ASH1L: variants seen among roughly 807,000 people sequenced by gnomAD.
The protein encoded by ASH1L is histone-lysine N-methyltransferase ASH1L.
Under a neutral mutation model 269.0 loss-of-function variants are expected in ASH1L, and 23 were observed. The observed-to-expected ratio is 0.09, with a 90% CI of 0.06 to 0.12. The LOEUF is 0.12. Ranked by LOEUF, ASH1L falls within the 10% of genes least tolerant of loss-of-function variation. The probability of loss-of-function intolerance (pLI) is 1.00; values close to 1 mark genes in which losing one functional copy is unlikely to be tolerated. For missense variants in ASH1L, 2,912 were observed against 3,567.8 expected, an observed-to-expected ratio of 0.82 and a Z score of 4.68; for synonymous variants, 1,187 against 1,253.5, an observed-to-expected ratio of 0.95 and a Z score of 1.12.
intron 4 of ASH1L, among the ~76,000 whole-genome samples, chr1:155,455,043 T>A (rs1009450340): frequency 6.6e-6 from 1 of 152,124 alleles, no homozygotes; most frequent in African/African-American, 2.4e-5. Flanking sequence ...ATTGAAGGGA[T>A]TTATGTTCTC....
rs1654202536 is a variant in ASH1L, at chr1:155,354,560, C to T, written c.7126G>A (p.Val2376Ile). ...WEKIRQKQEE[V>I]KHTSDNIHSA... ...TGAATATTATCACTGGTGTGCTTTACTTCCTCCTGTTTTTGACGAATCTTC... is the reference window on the plus strand; with the variant it reads ...TGAATATTATCACTGGTGTGCTTTATTTCCTCCTGTTTTTGACGAATCTTC... Residue 2376 changes from valine to isoleucine, a missense_variant, in exon 16 of 28, where the codon GTA (valine) becomes ATA (isoleucine). By Grantham distance (29) the Val-to-Ile change is conservative. Around this residue, in one of 13 missense-constraint regions of ASH1L, gnomAD observed 309 missense variants for 435.1 expected, o/e 0.71. Coordinates refer to ENST00000392403, the MANE Select transcript of ASH1L (RefSeq NM_018489.3). 1.9e-6 allele frequency: 3 copies of T among 1,614,018 alleles called. No homozygotes were observed. The East Asian group carries it at 6.7e-5, about 36-fold the overall frequency.
chr1:155,544,891 G>C (rs1396553309), intron 1 of ASH1L, among the ~76,000 whole-genome samples: 1 of 151,684 alleles, frequency 6.6e-6, no homozygotes, highest in Non-Finnish European at 1.5e-5. Context: ...ACAAACTATT[G>C]GCCGGGCGCA....
chr1:155,458,717 AAACC>A (rs373281175), intron 4 of ASH1L, among the ~76,000 whole-genome samples: 2,014 of 150,738 alleles, frequency 0.013, 25 homozygotes, highest in African/African-American at 0.031. Flanking sequence ...ACTCATCTCA[AAACC>A]AACCAACCAA....
At chr1:155,386,831 G>A (rs1056616184) in intron 7 of ASH1L, among the ~76,000 whole-genome samples, 1 of 152,054 alleles carries the variant, frequency 6.6e-6, no homozygotes. Flanking sequence ...AGTTTATTTT[G>A]CTGCGCAGAA....
At chr1:155,433,252 G>A (rs1162990449) in intron 5 of ASH1L, 14 of 1,553,188 alleles carry the variant, frequency 9.0e-6, no homozygotes, top group Admixed American at 1.9e-5. Context: ...GGCCAGGGGG[G>A]CCGGAGCCGG....
intron 2 of ASH1L, among the ~76,000 whole-genome samples, chr1:155,514,902 A>G (rs755161211): frequency 1.3e-5 from 2 of 152,138 alleles, no homozygotes; most frequent in Non-Finnish European, 2.9e-5. Flanking sequence ...CACACCAACA[A>G]GGAAAAATTT....
intron 15 of ASH1L, among the ~76,000 whole-genome samples, chr1:155,355,002 G>A (rs1290897485): frequency 6.6e-6 from 1 of 152,162 alleles, no homozygotes; most frequent in East Asian, 1.9e-4. Context: ...CACGTAAGAT[G>A]GATACGCACT....
chr1:155,556,082 C>A (rs924629114), intron 1 of ASH1L, among the ~76,000 whole-genome samples: 2 of 152,068 alleles, frequency 1.3e-5, no homozygotes, highest in Non-Finnish European at 2.9e-5. Flanking sequence ...TTGCAATTTG[C>A]CACATTAAAG....
At chr1:155,427,720 C>T (rs973203939) in intron 5 of ASH1L, among the ~76,000 whole-genome samples, 1 of 151,948 alleles carries the variant, frequency 6.6e-6, no homozygotes, top group Admixed American at 6.6e-5. Context: ...ATTACAGGCA[C>T]AAGCCACTGC....
At chr1:155,387,771 C>A (rs1316520445) in intron 7 of ASH1L, among the ~76,000 whole-genome samples, 2 of 152,138 alleles carry the variant, frequency 1.3e-5, no homozygotes, top group African/African-American at 4.8e-5. Flanking sequence ...AATCCATAAG[C>A]ATGGAATATT....
Position 155,337,668 on chromosome 1 carries a change from G to A in ASH1L, c.8887C>T (p.Arg2963Ter), listed in dbSNP as rs143633976. The A allele has an allele frequency of 3.0e-4, 479 of 1,613,400 alleles. No homozygotes were observed. Among genetic ancestry groups the A allele is most frequent in the Non-Finnish European group, 3.9e-4 (464 of 1,179,570 alleles). ...RTLFIPENSF[R>*]K is the part of the protein sequence containing the mutation. ...TTCTCATTCTTTGAGGGTCACTTTC[G>A]AAAGCTGTTTTCTGGGATAAACAAA... The change falls in exon 28 of 28, where the codon CGA becomes TGA. Residue 2963 changes from arginine (R) to a stop codon, truncating the protein, a stop_gained. Transcript: ENST00000392403. LOFTEE classifies it high-confidence loss of function.
Position 155,479,946 on chromosome 1 carries a change from T to G in ASH1L, c.2924A>C (p.Asn975Thr). The change falls in exon 3 of 28, where the codon AAT becomes ACT. Residue 975 changes from asparagine to threonine, a missense_variant. Asn to Thr is a moderately conservative substitution (Grantham distance 65). Transcript: ENST00000392403. Reference protein sequence around the residue: ...EPDKKITKRNNGQLMKTIIRK... With the variant: ...EPDKKITKRNTGQLMKTIIRK... ...GATAATTGTTTTCATTAATTGTCCA[T>G]TGTTTCTCTTGGTAATTTTTTTATC... The G allele has an allele frequency of 1.2e-6, 2 of 1,613,656 alleles. No individual in the cohort carries two copies. The highest frequency in any genetic ancestry group is 1.7e-6 in the Non-Finnish European group (2 of 1,179,906).
At chr1:155,425,730 G>T (rs1352478635) in intron 5 of ASH1L, among the ~76,000 whole-genome samples, 1 of 151,840 alleles carries the variant, frequency 6.6e-6, no homozygotes, top group African/African-American at 2.4e-5. Context: ...CACCACACCC[G>T]GCCAAGCAGG....
chr1:155,436,577 A>G (rs1302360369), intron 5 of ASH1L, among the ~76,000 whole-genome samples: 2 of 126,696 alleles, frequency 1.6e-5, no homozygotes, highest in African/African-American at 3.1e-5. Flanking sequence ...GCTCATCACA[A>G]CCTCCGCCTC....
At position 155,360,281 on chromosome 1, in the gene ASH1L, C is replaced by T; in HGVS notation, c.6795+20G>A. ...GTAAGGGATAAAGTTCAATCTCCCT[C>T]TAGGATTTATTATTCTTACCTGTTT... On this transcript the variant is annotated intron_variant, in intron 13 of 27. Coordinates refer to ENST00000392403, the MANE Select transcript of ASH1L (RefSeq NM_018489.3). 6.7e-7 allele frequency: 1 copy of T among 1,498,882 alleles called. No homozygotes were observed. The highest frequency in any genetic ancestry group is 9.3e-7 in the Non-Finnish European group (1 of 1,075,550). 92.8% of individuals were successfully genotyped at this position (1,498,882 alleles called of 1,614,324 possible).
At chr1:155,448,942 G>GTT (rs557498390) in intron 4 of ASH1L, among the ~76,000 whole-genome samples, 1 of 143,390 alleles carries the variant, frequency 7.0e-6, no homozygotes, top group Non-Finnish European at 1.5e-5. Context: ...GTGTGTGTGT[G>GTT]TTTTTTTTTT....
intron 25 of ASH1L, 25 bp downstream of exon 25, chr1:155,341,911 G>C: frequency 6.2e-7 from 1 of 1,610,638 alleles, no homozygotes; most frequent in Non-Finnish European, 8.5e-7. Context: ...CTAACATGTA[G>C]TGTTAAGAAA....
At chr1:155,491,734 A>G (rs961583421) in intron 2 of ASH1L, among the ~76,000 whole-genome samples, 1 of 151,784 alleles carries the variant, frequency 6.6e-6, no homozygotes, top group Non-Finnish European at 1.5e-5. Context: ...CAGTGGCTCA[A>G]CCTCGGCTCA....
chr1:155,497,453 A>G (rs1446889226), intron 2 of ASH1L, among the ~76,000 whole-genome samples: 1 of 152,236 alleles, frequency 6.6e-6, no homozygotes, highest in African/African-American at 2.4e-5. Context: ...AATGAAGACG[A>G]TAAGGATGAC....
Sources: allele counts gnomAD v4.1 joint callset (sites outside exome capture counted in the v4.1 genomes callset), GRCh38; gene constraint gnomAD v4.1.1; regional missense constraint gnomAD v4.1.1; transcripts MANE v1.5; gene names NCBI Gene and HGNC (gene_info 2026-07-23, HGNC 2026-07-21).